Variants in NR2E1 observed in about 807,000 individuals in gnomAD.
The protein encoded by NR2E1 is nuclear receptor subfamily 2 group E member 1, also known as nuclear receptor TLX.
Under a neutral mutation model 43.6 loss-of-function variants are expected in NR2E1, and 5 were observed. The ratio of observed to expected loss-of-function variants is 0.11; its 90% confidence interval spans 0.06 to 0.24. The LOEUF (loss-of-function observed/expected upper bound fraction) is 0.24. Ranked by LOEUF, NR2E1 falls within the 10% of genes least tolerant of loss-of-function variation. The pLI is 1.00. For missense variants in NR2E1, 287 were observed against 496.7 expected, an observed-to-expected ratio of 0.58 and a Z score of 4.01; for synonymous variants, 191 against 195.5, an observed-to-expected ratio of 0.98 and a Z score of 0.19.
chr6:108,182,593 C>G (rs1423011080), intron 8 of NR2E1, among the ~76,000 whole-genome samples: 1 of 136,182 alleles, frequency 7.3e-6, no homozygotes, highest in East Asian at 2.2e-4. Flanking sequence ...GAGTTTCACT[C>G]TTTCACCCAG....
Position 108,180,188 on chromosome 6 carries a change from G to A in NR2E1, c.643-135G>A, listed in dbSNP as rs960705159. 3.0e-6 allele frequency: 2 copies of A among 667,822 alleles called. No homozygotes were observed. The highest frequency in any genetic ancestry group is 4.7e-5 in the Admixed American group (2 of 42,424). The allele number at this position is 667,822 out of a possible 1,614,324, so 41.4% of individuals were successfully genotyped here. A position where few individuals can be genotyped will look rare whatever the true frequency, so the allele number is the denominator to read the frequency against. On this transcript the variant is annotated intron_variant, in intron 5 of 8. Transcript: ENST00000368986. The surrounding 1 kb of genome is among the most constrained non-coding windows in gnomAD (Gnocchi z 5.4). Reference sequence around the variant, plus strand: ...GGAAAATATGGGAAAATAAGGGAAAGCTAGAATATTCAGAAAAAATTACCA... The same window carrying A: ...GGAAAATATGGGAAAATAAGGGAAAACTAGAATATTCAGAAAAAATTACCA...
intron 8 of NR2E1, among the ~76,000 whole-genome samples, chr6:108,182,892 G>T (rs941615641): frequency 1.3e-5 from 2 of 151,898 alleles, no homozygotes; most frequent in Non-Finnish European, 2.9e-5. Context: ...ATAGAGACAA[G>T]GTCTTGCTAT....
At chr6:108,172,309 C>G (rs1354015482) in intron 2 of NR2E1, among the ~76,000 whole-genome samples, 1 of 152,198 alleles carries the variant, frequency 6.6e-6, no homozygotes, top group Non-Finnish European at 1.5e-5. Context: ...CTGGGACCCT[C>G]CTCAAGCTTC....
In NR2E1 at chr6:108,174,741, G is replaced by T. The variant is rs2233491; in HGVS notation, c.172-95G>T. The T allele has an allele frequency of 1.7e-3, 1,726 of 1,030,010 alleles. 25 individuals carry two copies. The highest frequency in any genetic ancestry group is 4.1e-3 in the Middle Eastern group (14 of 3,424). 63.8% of individuals were successfully genotyped at this position (1,030,010 alleles called of 1,614,324 possible). A position where few individuals can be genotyped will look rare whatever the true frequency, so the allele number is the denominator to read the frequency against. On this transcript the variant is annotated intron_variant, in intron 2 of 8. Transcript: ENST00000368986. ...GCTCCAGGGCCTGCGGCCGGGCAAGGTCGCGCCTCCACACCGTTTCCCCGC... is the reference window on the plus strand; with the variant it reads ...GCTCCAGGGCCTGCGGCCGGGCAAGTTCGCGCCTCCACACCGTTTCCCCGC...
At chr6:108,173,932 C>T (rs1476676929) in intron 2 of NR2E1, among the ~76,000 whole-genome samples, 1 of 152,188 alleles carries the variant, frequency 6.6e-6, no homozygotes, top group Non-Finnish European at 1.5e-5. Context: ...ATTTCTCATG[C>T]ATCTCAGATA....
At chr6:108,177,520 A>G (rs1290373861) in intron 4 of NR2E1, among the ~76,000 whole-genome samples, 4 of 152,260 alleles carry the variant, frequency 2.6e-5, no homozygotes, top group Admixed American at 1.3e-4. Context: ...ACACCTGGGC[A>G]CATGCACACG....
chr6:108,176,897 C>T (rs1391430942), intron 4 of NR2E1, among the ~76,000 whole-genome samples, 159 bp downstream of exon 4: 1 of 152,232 alleles, frequency 6.6e-6, no homozygotes. Context: ...TCTGCTCTCC[C>T]TTGTTCAGCC....
At position 108,176,624 on chromosome 6, in the gene NR2E1, G is replaced by T. The variant is rs780893199; in HGVS notation, c.381G>T (p.Ala127=). Residue 127 remains alanine (A), a synonymous_variant, in exon 4 of 9, where the codon GCG becomes GCT. Coordinates refer to ENST00000368986, the MANE Select transcript of NR2E1 (RefSeq NM_003269.5). ...AAHFPSAALP[A]PAFFTAVTQL... ...ACTTTCCCTCGGCGGCGCTCCCTGCGCCGGCCTTCTTCACCGCGGTCACGC... is the reference window on the plus strand; with the variant it reads ...ACTTTCCCTCGGCGGCGCTCCCTGCTCCGGCCTTCTTCACCGCGGTCACGC... The T allele has an allele frequency of 3.1e-6, 5 of 1,611,278 alleles. No individual in the cohort carries two copies. The South Asian group carries it at 3.3e-5, about 11-fold the overall frequency.
At chr6:108,179,916 C>T (rs1178386002) in intron 5 of NR2E1, among the ~76,000 whole-genome samples, 2 of 152,066 alleles carry the variant, frequency 1.3e-5, no homozygotes, top group Non-Finnish European at 2.9e-5. Flanking sequence ...AAGATGGGGA[C>T]CCAGCTCTGC....
At chr6:108,168,535 CTT>C (rs1422961387) in intron 1 of NR2E1, among the ~76,000 whole-genome samples, 1 of 152,272 alleles carries the variant, frequency 6.6e-6, no homozygotes, top group Non-Finnish European at 1.5e-5. Context: ...CTTGCGGAAA[CTT>C]TGGCCGTTCT....
intron 2 of NR2E1, among the ~76,000 whole-genome samples, 183 bp downstream of exon 2, chr6:108,171,786 G>A (rs552402360): frequency 2.0e-5 from 3 of 152,108 alleles, no homozygotes; most frequent in South Asian, 2.1e-4. Flanking sequence ...AAGGCGGGAA[G>A]AGGTAAGGGA....
At chr6:108,173,262 G>T (rs1195385323) in intron 2 of NR2E1, among the ~76,000 whole-genome samples, 1 of 152,130 alleles carries the variant, frequency 6.6e-6, no homozygotes, top group African/African-American at 2.4e-5. Flanking sequence ...TTTCCATTTT[G>T]CATTTGCATA....
intron 1 of NR2E1, among the ~76,000 whole-genome samples, chr6:108,168,402 G>A (rs1460219711): frequency 6.6e-6 from 1 of 152,202 alleles, no homozygotes; most frequent in African/African-American, 2.4e-5. Context: ...CCCTTGAAAG[G>A]TGAGGCCTCA....
intron 2 of NR2E1, among the ~76,000 whole-genome samples, chr6:108,173,918 T>C (rs1328131120): frequency 6.6e-6 from 1 of 152,240 alleles, no homozygotes; most frequent in Non-Finnish European, 1.5e-5. Flanking sequence ...TAGGTAAACA[T>C]CTAATTTCTC....
Position 108,188,543 on chromosome 6 carries a change from A to ACACACAC in NR2E1, c.*1081_*1087dup. On this transcript the variant is annotated 3_prime_UTR_variant, in exon 9 of 9. Transcript: ENST00000368986. ...CACACACACACACACACACACACACACACACACACCGTCCTACACTTTAAG... is the reference window on the plus strand; with the variant it reads ...CACACACACACACACACACACACACACACACACCACACACACCGTCCTACACTTTAAG... 6.7e-6 allele frequency: 1 copy of ACACACAC among 149,564 alleles called. No individual in the cohort carries two copies. Among genetic ancestry groups the ACACACAC allele is most frequent in the African/African-American group, 2.5e-5 (1 of 39,808 alleles). The allele number at this position is 149,564 out of a possible 1,614,324, so 9.3% of individuals were successfully genotyped here.
chr6:108,168,155 T>C, intron 1 of NR2E1: 1 of 1,589,280 alleles, frequency 6.3e-7, no homozygotes, highest in Non-Finnish European at 8.6e-7. Flanking sequence ...TGTTGGAATC[T>C]CCAGGAGGTA....
intron 2 of NR2E1, among the ~76,000 whole-genome samples, chr6:108,171,959 C>T (rs568656372): frequency 6.6e-6 from 1 of 152,306 alleles, no homozygotes; most frequent in African/African-American, 2.4e-5. Flanking sequence ...CCACAAGTAG[C>T]AAGCAGGAGA....
In NR2E1 at chr6:108,177,969, T is replaced by A. The variant is rs567975872; in HGVS notation, c.496-126T>A. On this transcript the variant is annotated intron_variant, in intron 4 of 8. Transcript: ENST00000368986. ...TTTACCCACCAATGTCAACTGCATG[T>A]TTAAACAAAACATCCAAATTCTTTT... is the stretch of plus-strand genomic sequence containing the variant. The A allele has an allele frequency of 3.2e-5, 34 of 1,061,972 alleles. No individual in the cohort carries two copies. The African/African-American group carries it at 4.7e-4, about 15-fold the overall frequency. 65.8% of individuals were successfully genotyped at this position (1,061,972 alleles called of 1,614,324 possible).
chr6:108,181,179 CT>C (rs1459466281), intron 7 of NR2E1, among the ~76,000 whole-genome samples: 3 of 151,956 alleles, frequency 2.0e-5, no homozygotes. Context: ...TTCTTTTTTT[CT>C]TTCTTTTTTT....
Sources: gnomAD v4.1 joint callset for allele counts (sites outside exome capture counted in the v4.1 genomes callset) on GRCh38, gnomAD v4.1.1 for gene constraint, Gnocchi (gnomAD v3.1) non-coding constraint, MANE v1.5 for transcripts, NCBI Gene and HGNC (gene_info 2026-07-23, HGNC 2026-07-21) for gene names.